PTPRT: variants seen among roughly 807,000 people sequenced by gnomAD.
PTPRT encodes the protein protein tyrosine phosphatase receptor type T.
A neutral mutation model predicts 176.8 loss-of-function variants in PTPRT; 56 were observed. The ratio of observed to expected loss-of-function variants is 0.32; its 90% CI spans 0.26 to 0.40. The LOEUF (loss-of-function observed/expected upper bound fraction) is 0.40. PTPRT is among the 10% of genes least tolerant of loss of function. PTPRT has a pLI of 1.00. For synonymous variants in PTPRT, 783 were observed against 739.0 expected (o/e 1.06, Z -0.96); for missense variants, 1,540 against 1,908.2 (o/e 0.81, Z 3.60).
intron 29 of PTPRT, among the ~76,000 whole-genome samples, chr20:42,083,219 G>A (rs559144747): frequency 1.3e-5 from 2 of 149,994 alleles, no homozygotes; most frequent in African/African-American, 4.9e-5. Flanking sequence ...TCTGAAGCAA[G>A]AATAACAGCG....
At chr20:43,094,091 CT>C (rs11478226) in intron 1 of PTPRT, among the ~76,000 whole-genome samples, 37,191 of 130,054 alleles carry the variant, frequency 0.29, 4,421 homozygotes, top group Admixed American at 0.34. Flanking sequence ...TTCTTTCTTT[CT>C]TTTTTTTTTT....
intron 12 of PTPRT, among the ~76,000 whole-genome samples, chr20:42,301,061 A>C (rs777378664): frequency 6.6e-6 from 1 of 152,186 alleles, no homozygotes; most frequent in Middle Eastern, 3.2e-3. Context: ...ATGCTAAAAG[A>C]TGAAAGTTTG....
At chr20:43,021,196 G>T (rs1384413746) in intron 1 of PTPRT, among the ~76,000 whole-genome samples, 1 of 152,152 alleles carries the variant, frequency 6.6e-6, no homozygotes, top group Admixed American at 6.5e-5. Flanking sequence ...ACCTGATAAG[G>T]TAAGCTGACA....
rs1329899710 is a variant in PTPRT at position 43,167,023 on chromosome 20, T to C, written c.88+22623A>G. Among the ~76,000 whole-genome samples, 3 of 152,168 alleles carry C rather than the reference T, an allele frequency of 2.0e-5. No homozygotes were observed. In the East Asian group the frequency reaches 5.8e-4, roughly 29 times the overall value. On this transcript the variant is annotated intron_variant, in intron 1 of 30. Transcript: ENST00000373187. ...TGGTTCATAGACTGTGCCTGGCATCTTGACATTCAACTTAGTCTAGCAGCC... is the reference window on the plus strand; with the variant it reads ...TGGTTCATAGACTGTGCCTGGCATCCTGACATTCAACTTAGTCTAGCAGCC...
intron 7 of PTPRT, among the ~76,000 whole-genome samples, chr20:42,600,166 G>T (rs996169535): frequency 1.3e-5 from 2 of 152,024 alleles, no homozygotes; most frequent in Non-Finnish European, 2.9e-5. Context: ...TTGAGATGGA[G>T]TCTCACTCTG....
At chr20:43,079,276 T>C (rs980557335) in intron 1 of PTPRT, among the ~76,000 whole-genome samples, 1 of 146,906 alleles carries the variant, frequency 6.8e-6, no homozygotes, top group Non-Finnish European at 1.5e-5. Flanking sequence ...TTTCTGTTCT[T>C]CTGCCTCACC....
chr20:42,924,982 A>G lies in PTPRT; in HGVS notation c.89-39050T>C, dbSNP rs145710968. On this transcript the variant is annotated intron_variant, in intron 1 of 30. Coordinates refer to ENST00000373187, the MANE Select transcript of PTPRT (RefSeq NM_007050.6). ...CAAGTGAATCTGATGCAGGTGGCGC[A>G]TTGTCCACAGTGTGAGAATTACTGC... Among the ~76,000 whole-genome samples the G allele has an allele frequency of 2.5e-3, 384 of 152,342 alleles. 1 individual carries two copies. Among genetic ancestry groups the G allele is most frequent in the African/African-American group, 8.8e-3 (364 of 41,582 alleles).
At chr20:42,835,548 G>C (rs1600810601) in intron 2 of PTPRT, among the ~76,000 whole-genome samples, 2 of 152,254 alleles carry the variant, frequency 1.3e-5, no homozygotes, top group East Asian at 1.9e-4. Context: ...TTGCCTCAGG[G>C]GGGCAGAGAA....
chr20:42,651,065 G>A (rs746015135), intron 7 of PTPRT, among the ~76,000 whole-genome samples: 3 of 151,928 alleles, frequency 2.0e-5, no homozygotes, highest in Admixed American at 1.3e-4. Flanking sequence ...TATTTTACAC[G>A]TGTAATTAAA....
At chr20:42,754,874 G>A (rs919372848) in intron 6 of PTPRT, among the ~76,000 whole-genome samples, 1 of 152,034 alleles carries the variant, frequency 6.6e-6, no homozygotes, top group Non-Finnish European at 1.5e-5. Context: ...CAAAACAGGC[G>A]AACACTAACA....
At chr20:42,314,241 C>T (rs1218708805) in intron 12 of PTPRT, among the ~76,000 whole-genome samples, 1 of 152,056 alleles carries the variant, frequency 6.6e-6, no homozygotes, top group South Asian at 2.1e-4. Context: ...AATATGACCA[C>T]TTTGGGGCTG....
At chr20:42,143,344 A>G (rs1257376296) in intron 17 of PTPRT, among the ~76,000 whole-genome samples, 1 of 152,082 alleles carries the variant, frequency 6.6e-6, no homozygotes, top group Non-Finnish European at 1.5e-5. Flanking sequence ...TCACGAGGTC[A>G]GGAGATCAAG....
chr20:42,653,286 G>A (rs374748008), intron 7 of PTPRT, among the ~76,000 whole-genome samples: 1 of 152,096 alleles, frequency 6.6e-6, no homozygotes, highest in African/African-American at 2.4e-5. Context: ...AGTTTCCTGA[G>A]GCCTCCTAAG....
At chr20:42,465,481 A>G (rs1412048745) in intron 8 of PTPRT, among the ~76,000 whole-genome samples, 4 of 152,228 alleles carry the variant, frequency 2.6e-5, no homozygotes, top group Non-Finnish European at 5.9e-5. Flanking sequence ...GTGTCATAAA[A>G]AATAAAGAGC....
At chr20:43,147,359 T>G (rs2014199532) in intron 1 of PTPRT, among the ~76,000 whole-genome samples, 1 of 152,162 alleles carries the variant, frequency 6.6e-6, no homozygotes, top group South Asian at 2.1e-4. Flanking sequence ...AGGATAATCC[T>G]TGTTGCACAG....
intron 1 of PTPRT, among the ~76,000 whole-genome samples, chr20:43,164,833 A>T (rs912428058): frequency 1.3e-5 from 2 of 152,210 alleles, no homozygotes; most frequent in Admixed American, 1.3e-4. Flanking sequence ...CCTCCTTTTG[A>T]TTCACTATCT....
At chr20:42,044,428 C>T in the PTPRT span, among the ~76,000 whole-genome samples, 14 of 152,298 alleles carry the variant, frequency 9.2e-5, no homozygotes, top group Non-Finnish European at 1.5e-4. Flanking sequence ...CAGACACACA[C>T]CAATCGAGAG....
At chr20:42,718,488 G>C (rs1421688868) in intron 6 of PTPRT, among the ~76,000 whole-genome samples, 2 of 152,152 alleles carry the variant, frequency 1.3e-5, no homozygotes, top group Non-Finnish European at 2.9e-5. Context: ...AGTGGGCCGA[G>C]ATTGCGCCAC....
At chr20:42,962,949 A>G (rs764639258) in intron 1 of PTPRT, among the ~76,000 whole-genome samples, 89 of 152,206 alleles carry the variant, frequency 5.8e-4, no homozygotes, top group Non-Finnish European at 1.3e-4. Flanking sequence ...CTGTAATCCC[A>G]GCACTTTGGG....
Sources: allele counts gnomAD v4.1 joint callset (sites outside exome capture counted in the v4.1 genomes callset), GRCh38; gene constraint gnomAD v4.1.1; transcripts MANE v1.5; gene names NCBI Gene and HGNC (gene_info 2026-07-23, HGNC 2026-07-21).